ZNF766: variants seen among roughly 807,000 people sequenced by gnomAD.
The protein encoded by ZNF766 is zinc finger protein 766.
Under a neutral mutation model 13.2 loss-of-function variants are expected in ZNF766, and 13 were observed. The observed-to-expected ratio is 0.98, with a 90% confidence interval of 0.64 to 1.56. ZNF766 has a LOEUF of 1.56. ZNF766 is among the 40% of genes most tolerant of loss of function. ZNF766 has a pLI of 0.00. For synonymous variants in ZNF766, 178 were observed against 187.6 expected (o/e 0.95, Z 0.42); for missense variants, 521 against 552.2 (o/e 0.94, Z 0.57).
In ZNF766 at chr19:52,290,911, C is replaced by T. The variant is rs1982109532; in HGVS notation, c.1120C>T (p.Gln374Ter). ...GCACAAGTTCTCCCTGACAGTTCAT[C>T]AGAGAAATCATAATGGAGAGAAACC... ...FRHKFSLTVH[Q>*]RNHNGEKPYK... is the part of the protein sequence containing the mutation. The change falls in exon 4 of 4, where the codon CAG (glutamine) becomes TAG (stop). Residue 374 changes from glutamine to a stop codon, truncating the protein, a stop_gained. Coordinates refer to ENST00000439461, the MANE Select transcript of ZNF766 (RefSeq NM_001010851.3). LOFTEE classifies it low-confidence loss of function (END_TRUNC). The T allele has an allele frequency of 6.2e-7, 1 of 1,614,122 alleles. No homozygotes were observed. The highest frequency in any genetic ancestry group is 8.5e-7 in the Non-Finnish European group (1 of 1,180,014).
intron 1 of ZNF766, among the ~76,000 whole-genome samples, chr19:52,273,153 C>T (rs568405933): frequency 3.3e-5 from 5 of 152,150 alleles, no homozygotes; most frequent in African/African-American, 1.2e-4. Context: ...GGACTACAGG[C>T]GTGCACCATC....
rs117671822 is a variant in ZNF766, at chr19:52,291,586, A to G, written c.*388A>G. The G allele has an allele frequency of 9.3e-4, 161 of 172,590 alleles. 2 individuals carry two copies. The East Asian group carries it at 0.021, about 23-fold the overall frequency. 10.7% of individuals were successfully genotyped at this position (172,590 alleles called of 1,614,324 possible). On this transcript the variant is annotated 3_prime_UTR_variant, in exon 4 of 4. Coordinates refer to ENST00000439461, the MANE Select transcript of ZNF766 (RefSeq NM_001010851.3). ...AGCCTGGCCAATATGGTGAAACACCATATCTACTATAAATACAAAAAAATT... is the reference window on the plus strand; with the variant it reads ...AGCCTGGCCAATATGGTGAAACACCGTATCTACTATAAATACAAAAAAATT...
intron 1 of ZNF766, among the ~76,000 whole-genome samples, chr19:52,278,768 A>G (rs1981340342): frequency 6.6e-6 from 1 of 152,290 alleles, no homozygotes; most frequent in Non-Finnish European, 1.5e-5. Flanking sequence ...TAGATGCTGG[A>G]TATTAGACCT....
chr19:52,282,037 A>C, intron 1 of ZNF766, 74 bp from the exon 2 acceptor site: 1 of 1,548,146 alleles, frequency 6.5e-7, no homozygotes, highest in Non-Finnish European at 8.8e-7. Context: ...CAGTCCTTAC[A>C]ACCCTCTTCT....
Position 52,291,505 on chromosome 19 carries a change from T to A in ZNF766, c.*307T>A. 4.2e-6 allele frequency: 1 copy of A among 238,858 alleles called. No homozygotes were observed. Among genetic ancestry groups the A allele is most frequent in the Non-Finnish European group, 8.1e-6 (1 of 123,156 alleles). The allele number at this position is 238,858 out of a possible 1,614,324, so 14.8% of individuals were successfully genotyped here. A position where few individuals can be genotyped will look rare whatever the true frequency, so the allele number is the denominator to read the frequency against. ...TGGGCGCAGTGGCTCACACCTGTAA[T>A]CCTAGCACTTTGGGAGGTTGAGGCA... On this transcript the variant is annotated 3_prime_UTR_variant, in exon 4 of 4. Transcript: ENST00000439461.
intron 2 of ZNF766, among the ~76,000 whole-genome samples, chr19:52,282,984 C>G (rs1276784891): frequency 6.6e-6 from 1 of 152,086 alleles, no homozygotes; most frequent in Non-Finnish European, 1.5e-5. Context: ...GACTTATAAT[C>G]CTTTGAGTAT....
chr19:52,274,191 A>G (rs1981093874), intron 1 of ZNF766, among the ~76,000 whole-genome samples: 1 of 151,160 alleles, frequency 6.6e-6, no homozygotes, highest in Admixed American at 6.6e-5. Flanking sequence ...ATCCCTCGGT[A>G]TCACGTAGGA....
At chr19:52,287,165 C>T (rs562243701) in intron 3 of ZNF766, among the ~76,000 whole-genome samples, 4 of 145,128 alleles carry the variant, frequency 2.8e-5, no homozygotes, top group Admixed American at 1.4e-4. Context: ...TTTTTTGAGA[C>T]GGAGTCTCGC....
Position 52,294,268 on chromosome 19 carries a change from T to C in ZNF766, c.*3070T>C, listed in dbSNP as rs1439375375. 6.6e-6 allele frequency: 1 copy of C among 152,224 alleles called. No individual in the cohort carries two copies. Among genetic ancestry groups the C allele is most frequent in the Non-Finnish European group, 1.5e-5 (1 of 68,034 alleles). 9.4% of individuals were successfully genotyped at this position (152,224 alleles called of 1,614,324 possible). A position where few individuals can be genotyped will look rare whatever the true frequency, so the allele number is the denominator to read the frequency against. ...TTCTCTTGAGGATGAACACACAGAT[T>C]GGGAATTTCGTTTTGCTTTGGTAGA... is the stretch of plus-strand genomic sequence containing the variant. On this transcript the variant is annotated 3_prime_UTR_variant, in exon 4 of 4. Transcript: ENST00000439461.
At position 52,290,223 on chromosome 19, in the gene ZNF766, T is replaced by C. The variant is rs938514752; in HGVS notation, c.432T>C (p.Ser144=). The C allele has an allele frequency of 1.2e-6, 2 of 1,614,018 alleles. No homozygotes were observed. The highest frequency in any genetic ancestry group is 1.3e-5 in the African/African-American group (1 of 75,054). The stretch of plus-strand genomic sequence containing the variant: ...TTCAAAAGTTCATCAGCCACAGTTC[T>C]TCAGTTTCGCCACTTCAAAGAATTT... ...NQVQKFISHS[S]SVSPLQRIYS... The change falls in exon 4 of 4, where the codon TCT becomes TCC. Residue 144 remains serine, a synonymous_variant. Coordinates refer to ENST00000439461, the MANE Select transcript of ZNF766 (RefSeq NM_001010851.3).
At chr19:52,273,824 C>T (rs371821445) in intron 1 of ZNF766, among the ~76,000 whole-genome samples, 1 of 152,322 alleles carries the variant, frequency 6.6e-6, no homozygotes, top group South Asian at 2.1e-4. Flanking sequence ...GTGTGCTGGG[C>T]TTGCCCCGTC....
Position 52,290,484 on chromosome 19 carries a change from A to G in ZNF766, c.693A>G (p.Ala231=), listed in dbSNP as rs757242428. The part of the protein sequence containing the change: ...GKTVRDKSGL[A]EHWRIRTGEK... ...CCGTCAGGGACAAGTCAGGCCTCGC[A>G]GAACATTGGAGAATTCGTACAGGAG... Residue 231 remains alanine (A), a synonymous_variant, in exon 4 of 4, where the codon GCA becomes GCG. Coordinates refer to ENST00000439461, the MANE Select transcript of ZNF766 (RefSeq NM_001010851.3). 1 of 1,614,026 alleles carries G rather than the reference A, an allele frequency of 6.2e-7. No homozygotes were observed. Among genetic ancestry groups the G allele is most frequent in the Admixed American group, 1.7e-5 (1 of 60,026 alleles).
chr19:52,287,729 A>G (rs62110415), intron 3 of ZNF766, among the ~76,000 whole-genome samples: 11,999 of 152,164 alleles, frequency 0.079, 551 homozygotes, highest in Middle Eastern at 0.18. Context: ...CTACAAATTT[A>G]TCCATTTTTT....
chr19:52,274,240 T>C (rs1981096937), intron 1 of ZNF766, among the ~76,000 whole-genome samples: 1 of 152,148 alleles, frequency 6.6e-6, no homozygotes, highest in African/African-American at 2.4e-5. Flanking sequence ...CCAAATCAGA[T>C]GATCTTCAAG....
chr19:52,274,260 TA>T (rs1981097832), intron 1 of ZNF766, among the ~76,000 whole-genome samples: 1 of 152,134 alleles, frequency 6.6e-6, no homozygotes, highest in East Asian at 1.9e-4. Flanking sequence ...GACCCTTATA[TA>T]AAATTGCATA....
In ZNF766 at chr19:52,290,365, C is replaced by CAG; in HGVS notation, c.575_576dup (p.Gly193ArgfsTer16). On this transcript the variant is annotated frameshift_variant, in exon 4 of 4. Transcript: ENST00000439461. LOFTEE classifies it low-confidence loss of function (END_TRUNC). The stretch of plus-strand genomic sequence containing the variant: ...GAGAAAACCTTACGAATGTAATGAG[C>CAG]AGGGCAAAGTCTTCAGAGTGTCTTC... The CAG allele has an allele frequency of 6.2e-7, 1 of 1,614,042 alleles. No homozygotes were observed. The highest frequency in any genetic ancestry group is 1.7e-5 in the Admixed American group (1 of 60,020).
chr19:52,275,061 A>G (rs1308309505), intron 1 of ZNF766, among the ~76,000 whole-genome samples: 1 of 152,142 alleles, frequency 6.6e-6, no homozygotes, highest in Non-Finnish European at 1.5e-5. Flanking sequence ...GCAAACCACC[A>G]TGGACGTATT....
intron 3 of ZNF766, among the ~76,000 whole-genome samples, chr19:52,289,739 A>G (rs111801341): frequency 0.031 from 4,716 of 152,164 alleles, 111 homozygotes; most frequent in Middle Eastern, 0.054. Context: ...GGTGGCTCAC[A>G]CCTATAATCC....
At chr19:52,289,071 T>C (rs1600203916) in intron 3 of ZNF766, among the ~76,000 whole-genome samples, 1 of 151,804 alleles carries the variant, frequency 6.6e-6, no homozygotes, top group East Asian at 2.0e-4. Context: ...TTGATCAGGC[T>C]GGTCTTGAGC....
Sources: allele counts gnomAD v4.1 joint callset (sites outside exome capture counted in the v4.1 genomes callset), GRCh38; gene constraint gnomAD v4.1.1; transcripts MANE v1.5; gene names NCBI Gene and HGNC (gene_info 2026-07-23, HGNC 2026-07-21).